The following NBEAL1 variants were observed in gnomAD, a reference collection of about 807,000 sequenced individuals.
NBEAL1 encodes the protein neurobeachin-like protein 1.
In NBEAL1, 273 loss-of-function variants were observed where a neutral mutation model predicts 351.3. That is an observed-to-expected ratio of 0.78 (90% CI 0.70 to 0.86). NBEAL1 has a LOEUF of 0.86. Ranked by LOEUF, NBEAL1 falls within the 40% of genes least tolerant of loss-of-function variation. The pLI is 0.00. For missense variants in NBEAL1, 2,961 were observed against 3,201.3 expected (o/e 0.92, Z 1.81); for synonymous variants, 1,050 against 1,086.4 (o/e 0.97, Z 0.66).
chr2:203,060,731 T>C (rs1164802013), intron 6 of NBEAL1, among the ~76,000 whole-genome samples: 3 of 152,216 alleles, frequency 2.0e-5, no homozygotes, highest in Non-Finnish European at 4.4e-5. Context: ...AATATAATTA[T>C]AATAACATTC....
rs1056875323 is a variant in NBEAL1 at position 203,220,759 on chromosome 2, T to C, written c.*3405T>C. On this transcript the variant is annotated 3_prime_UTR_variant, in exon 56 of 56. Transcript: ENST00000683969. ...TAAAATTGTAAGAGAGAAAGAAAAA[T>C]AGATCAGGGCATAAAAATCAGGAAA... 6.6e-6 allele frequency among the ~76,000 whole-genome samples: 1 copy of C among 152,104 alleles called. No individual in the cohort carries two copies. The highest frequency in any genetic ancestry group is 2.4e-5 in the African/African-American group (1 of 41,438).
chr2:203,132,194 C>T, intron 26 of NBEAL1, 62 bp downstream of exon 26: 1 of 1,070,878 alleles, frequency 9.3e-7, no homozygotes, highest in Non-Finnish European at 1.3e-6. Context: ...AAGTTTTTTT[C>T]ATACCTTTCT....
intron 29 of NBEAL1, among the ~76,000 whole-genome samples, chr2:203,137,211 C>T (rs1204948950): frequency 2.0e-5 from 3 of 152,142 alleles, no homozygotes; most frequent in African/African-American, 7.2e-5. Flanking sequence ...ACACATGCAG[C>T]CCAGGATGGC....
At chr2:203,102,329 A>G (rs1222255381) in intron 12 of NBEAL1, among the ~76,000 whole-genome samples, 1 of 152,290 alleles carries the variant, frequency 6.6e-6, no homozygotes, top group East Asian at 1.9e-4. Context: ...TGCTCTGGCT[A>G]TGACTTCCTG....
At chr2:203,190,762 A>G in intron 46 of NBEAL1, 1 of 1,609,554 alleles carries the variant, frequency 6.2e-7, no homozygotes, top group Admixed American at 1.7e-5. Flanking sequence ...GGTTCATCCA[A>G]CACCAGCCGC....
chr2:203,146,058 A>AAG (rs2063505508), intron 33 of NBEAL1, among the ~76,000 whole-genome samples: 1 of 151,772 alleles, frequency 6.6e-6, no homozygotes, highest in Non-Finnish European at 1.5e-5. Context: ...AGAAAGAGGC[A>AAG]GTATCACCAC....
Position 203,062,566 on chromosome 2 carries a change from T to G in NBEAL1, c.515+5113T>G. 4.7e-6 allele frequency: 1 copy of G among 210,530 alleles called. No homozygotes were observed. The highest frequency in any genetic ancestry group is 6.7e-5 in the South Asian group (1 of 15,028). 13.0% of individuals were successfully genotyped at this position (210,530 alleles called of 1,614,324 possible). ...CCAGAGACCCAAAAAGAAGAAAATT[T>G]TATATACTATTAATATAATATAGGA... On this transcript the variant is annotated intron_variant, in intron 6 of 55. Transcript: ENST00000683969. This position sits in a 1 kb window ranked among gnomAD's most constrained non-coding sequence, Gnocchi z 4.2.
chr2:203,167,644 A>C (rs2064177372), intron 38 of NBEAL1, among the ~76,000 whole-genome samples: 1 of 152,220 alleles, frequency 6.6e-6, no homozygotes, highest in South Asian at 2.1e-4. Flanking sequence ...AGCTATGACA[A>C]GATTTATAAA....
At chr2:203,016,911 T>G (rs1296407844) in intron 2 of NBEAL1, among the ~76,000 whole-genome samples, 1 of 152,168 alleles carries the variant, frequency 6.6e-6, no homozygotes, top group African/African-American at 2.4e-5. Context: ...ATTGTCTCAT[T>G]TCCTTCTCAC....
At chr2:203,160,300 C>G (rs1263233243) in intron 36 of NBEAL1, among the ~76,000 whole-genome samples, 1 of 152,092 alleles carries the variant, frequency 6.6e-6, no homozygotes, top group Admixed American at 6.6e-5. Flanking sequence ...AGGCTGGTCT[C>G]AAACTCCTGA....
chr2:203,099,274 C>G (rs1171003891), intron 11 of NBEAL1, among the ~76,000 whole-genome samples: 2 of 144,864 alleles, frequency 1.4e-5, no homozygotes, highest in Non-Finnish European at 3.0e-5. Context: ...GAAACTCCAT[C>G]TCAAAAAAAA....
At chr2:203,033,708 A>G (rs571487163) in intron 2 of NBEAL1, among the ~76,000 whole-genome samples, 19 of 152,328 alleles carry the variant, frequency 1.2e-4, no homozygotes, top group African/African-American at 4.3e-4. Context: ...TTATCATCCA[A>G]GTGAAAAGTG....
chr2:203,154,235 C>CAA (rs568311684), intron 35 of NBEAL1, among the ~76,000 whole-genome samples: 5 of 70,068 alleles, frequency 7.1e-5, no homozygotes, highest in Admixed American at 3.5e-4. Flanking sequence ...GACCCCGTCT[C>CAA]AAAAAAAAAA....
intron 55 of NBEAL1, among the ~76,000 whole-genome samples, chr2:203,216,556 T>C (rs976061799): frequency 1.3e-5 from 2 of 152,064 alleles, no homozygotes; most frequent in African/African-American, 2.4e-5. Flanking sequence ...GCCTGGGCAA[T>C]ATAGTGAGAT....
At chr2:203,144,472 AT>A (rs2063459729) in intron 31 of NBEAL1, 127 bp from the exon 32 acceptor site, 4 of 847,884 alleles carry the variant, frequency 4.7e-6, no homozygotes. Flanking sequence ...GCAAAGTAAC[AT>A]CTGAGACCTT....
chr2:203,058,510 A>G (rs2061443559), intron 6 of NBEAL1, among the ~76,000 whole-genome samples: 2 of 152,228 alleles, frequency 1.3e-5, no homozygotes, highest in South Asian at 2.1e-4. Flanking sequence ...AAGAGGCCCT[A>G]CAGCACTGAG....
chr2:203,211,074 A>G lies in NBEAL1; in HGVS notation c.7902A>G (p.Ile2634Met), dbSNP rs1262316922. ...IIGEHIVTGSIQGFLSIRDLH... is the reference protein window; with the variant it reads ...IIGEHIVTGSMQGFLSIRDLH... ...GAGAACACATTGTCACAGGCAGCATACAAGGATTCCTGTCTATAAGAGATC... is the reference window on the plus strand; with the variant it reads ...GAGAACACATTGTCACAGGCAGCATGCAAGGATTCCTGTCTATAAGAGATC... The change falls in exon 54 of 56, where the codon ATA becomes ATG. Residue 2634 changes from isoleucine (I) to methionine (M), a missense_variant. By Grantham distance (10) the Ile-to-Met change is conservative. Transcript: ENST00000683969. 1.3e-6 allele frequency: 2 copies of G among 1,599,512 alleles called. No individual in the cohort carries two copies. Among genetic ancestry groups the G allele is most frequent in the South Asian group, 1.1e-5 (1 of 87,712 alleles).
chr2:203,075,071 G>C (rs561409814), intron 7 of NBEAL1: 11 of 152,372 alleles, frequency 7.2e-5, no homozygotes, highest in African/African-American at 2.2e-4. Flanking sequence ...AGCCCTGCCT[G>C]CTTGGCCTTC....
Position 203,199,333 on chromosome 2 carries a change from T to G in NBEAL1, c.7129-5T>G. The stretch of plus-strand genomic sequence containing the variant: ...TAATTTGAGTCTTCATATGTTCTTT[T>G]CCAGATAACAATAAGCATGAATTAT... On this transcript the variant is annotated splice_polypyrimidine_tract_variant and splice_region_variant and intron_variant, in intron 48 of 55. Transcript: ENST00000683969. The G allele has an allele frequency of 6.6e-7, 1 of 1,517,876 alleles. No homozygotes were observed. The highest frequency in any genetic ancestry group is 9.1e-7 in the Non-Finnish European group (1 of 1,098,340). 94.0% of individuals were successfully genotyped at this position (1,517,876 alleles called of 1,614,324 possible).
Sources: allele counts gnomAD v4.1 joint callset (sites outside exome capture counted in the v4.1 genomes callset), GRCh38; gene constraint gnomAD v4.1.1; non-coding constraint Gnocchi (gnomAD v3.1); transcripts MANE v1.5; gene names NCBI Gene and HGNC (gene_info 2026-07-23, HGNC 2026-07-21).